Variants in CNBD1 observed in about 807,000 individuals in gnomAD.
The protein encoded by CNBD1 is cyclic nucleotide-binding domain-containing protein 1.
CNBD1 carries 71 observed loss-of-function variants against 54.4 expected under a neutral mutation model. That is an observed-to-expected ratio of 1.30 (90% CI 1.08 to 1.59). The LOEUF (loss-of-function observed/expected upper bound fraction) is 1.59. Among genes scored for constraint, CNBD1 ranks in the 40% most tolerant of loss-of-function variants. The pLI, the probability that CNBD1 is intolerant of heterozygous loss-of-function variation, is 0.00. For missense variants in CNBD1, 659 were observed against 518.0 expected (o/e 1.27, Z -2.64); for synonymous variants, 182 against 170.7 (o/e 1.07, Z -0.51).
intron 8 of CNBD1, among the ~76,000 whole-genome samples, chr8:87,341,414 G>C (rs967787990): frequency 6.6e-6 from 1 of 152,132 alleles, no homozygotes; most frequent in Non-Finnish European, 1.5e-5. Flanking sequence ...GGGGGAAACT[G>C]GTTGCTGGGA....
rs1455565849 is a variant in CNBD1, at chr8:87,092,525, GTA to G, written c.432-113466_432-113465del. Among the ~76,000 whole-genome samples the G allele has an allele frequency of 5.7e-5, 8 of 140,378 alleles. 1 individual carries two copies. Among genetic ancestry groups the G allele is most frequent in the African/African-American group, 2.2e-4 (8 of 35,752 alleles). The allele number at this position is 140,378 out of a possible 152,430, so 92.1% of individuals were successfully genotyped here. A position where few individuals can be genotyped will look rare whatever the true frequency, so the allele number is the denominator to read the frequency against. On this transcript the variant is annotated intron_variant, in intron 4 of 10. Coordinates refer to ENST00000518476, the MANE Select transcript of CNBD1 (RefSeq NM_173538.3). Reference sequence around the variant, plus strand: ...TATATGTGTGTGTGTGTATGTGTGTGTATGTATGTATGTGTGTGTATATATAT... The same window carrying G: ...TATATGTGTGTGTGTGTATGTGTGTGTGTATGTATGTGTGTGTATATATAT...
chr8:87,303,790 GA>G (rs561967457), intron 8 of CNBD1, among the ~76,000 whole-genome samples: 2 of 146,890 alleles, frequency 1.4e-5, no homozygotes, highest in Non-Finnish European at 3.0e-5. Context: ...AAATTTACAA[GA>G]AAAAAAATAA....
At chr8:87,071,619 G>A (rs1436418898) in intron 4 of CNBD1, among the ~76,000 whole-genome samples, 5 of 151,964 alleles carry the variant, frequency 3.3e-5, no homozygotes. Context: ...GTAGGGTGGT[G>A]GTAGTGGAAT....
intron 10 of CNBD1, among the ~76,000 whole-genome samples, chr8:87,370,685 C>T (rs1020624089): frequency 3.3e-5 from 5 of 150,956 alleles, no homozygotes; most frequent in Non-Finnish European, 3.0e-5. Context: ...GTTGCCTGTT[C>T]ACTCTGATGG....
chr8:86,867,601 T>C (rs1283661025), intron 1 of CNBD1, among the ~76,000 whole-genome samples: 2 of 152,206 alleles, frequency 1.3e-5, no homozygotes, highest in Non-Finnish European at 2.9e-5. Flanking sequence ...ATTTGTATTA[T>C]AGTGAAAATA....
intron 8 of CNBD1, among the ~76,000 whole-genome samples, chr8:87,345,163 T>G (rs1264798255): frequency 2.0e-5 from 3 of 152,178 alleles, no homozygotes; most frequent in Non-Finnish European, 2.9e-5. Context: ...CTGAACATAC[T>G]TTCCCTAGCA....
chr8:87,032,367 A>G (rs530315156), intron 4 of CNBD1, among the ~76,000 whole-genome samples: 3 of 152,300 alleles, frequency 2.0e-5, no homozygotes, highest in African/African-American at 7.2e-5. Context: ...ACATATTTTT[A>G]TGTTACATGT....
At chr8:87,303,790 G>GAA (rs561967457) in intron 8 of CNBD1, among the ~76,000 whole-genome samples, 4 of 146,892 alleles carry the variant, frequency 2.7e-5, no homozygotes, top group East Asian at 2.0e-4. Context: ...AAATTTACAA[G>GAA]AAAAAAAATA....
chr8:87,092,429 G>A (rs1563465484), intron 4 of CNBD1, among the ~76,000 whole-genome samples: 1 of 137,062 alleles, frequency 7.3e-6, no homozygotes, highest in African/African-American at 3.3e-5. Flanking sequence ...ATGTATGTAT[G>A]TATGTGTGTG....
intron 8 of CNBD1, among the ~76,000 whole-genome samples, chr8:87,304,801 C>T (rs768995414): frequency 6.6e-6 from 1 of 152,036 alleles, no homozygotes; most frequent in South Asian, 2.1e-4. Flanking sequence ...CCACAGCCAA[C>T]ACAATACTGA....
At chr8:86,893,055 T>C (rs900905436) in intron 2 of CNBD1, among the ~76,000 whole-genome samples, 2 of 152,196 alleles carry the variant, frequency 1.3e-5, no homozygotes, top group Non-Finnish European at 2.9e-5. Flanking sequence ...TTGTCTGGAA[T>C]GAAGCCATTT....
At chr8:87,147,780 G>A (rs969394781) in intron 4 of CNBD1, among the ~76,000 whole-genome samples, 1 of 152,152 alleles carries the variant, frequency 6.6e-6, no homozygotes, top group Non-Finnish European at 1.5e-5. Flanking sequence ...CCCAAAAAAA[G>A]GAAACTGTCA....
chr8:87,268,443 T>G (rs1230866766), intron 6 of CNBD1, among the ~76,000 whole-genome samples: 4 of 152,054 alleles, frequency 2.6e-5, no homozygotes, highest in Non-Finnish European at 5.9e-5. Context: ...GGTAGAATAA[T>G]TTATTTTCCT....
intron 3 of CNBD1, among the ~76,000 whole-genome samples, chr8:86,928,846 T>C (rs1404486107): frequency 1.3e-5 from 2 of 152,180 alleles, no homozygotes; most frequent in Non-Finnish European, 2.9e-5. Context: ...ATTTGATGAG[T>C]GTTCTCAATA....
At chr8:87,314,137 A>T (rs1399991071) in intron 8 of CNBD1, among the ~76,000 whole-genome samples, 3 of 151,854 alleles carry the variant, frequency 2.0e-5, no homozygotes, top group African/African-American at 7.2e-5. Flanking sequence ...ATAATATGGG[A>T]GCTAAAACTG....
intron 10 of CNBD1, among the ~76,000 whole-genome samples, chr8:87,380,127 G>T (rs1451587606): frequency 1.3e-5 from 2 of 151,832 alleles, no homozygotes; most frequent in Non-Finnish European, 1.5e-5. Context: ...ACAAACAAGA[G>T]TATTTATATA....
chr8:87,078,742 G>C (rs1319331799), intron 4 of CNBD1, among the ~76,000 whole-genome samples: 1 of 152,110 alleles, frequency 6.6e-6, no homozygotes, highest in Non-Finnish European at 1.5e-5. Flanking sequence ...AAAAAGAGCT[G>C]TAACTTTTCA....
chr8:87,358,320 A>C (rs1056209122), intron 10 of CNBD1, among the ~76,000 whole-genome samples: 1 of 152,186 alleles, frequency 6.6e-6, no homozygotes, highest in African/African-American at 2.4e-5. Flanking sequence ...CTGAAATGAC[A>C]TTTGTTAATT....
At chr8:87,025,571 T>A (rs73273659) in intron 4 of CNBD1, among the ~76,000 whole-genome samples, 4,570 of 148,510 alleles carry the variant, frequency 0.031, 233 homozygotes, top group African/African-American at 0.11. Flanking sequence ...ACCCACCAGG[T>A]GGAACAAACA....
Sources: allele counts gnomAD v4.1 joint callset (sites outside exome capture counted in the v4.1 genomes callset), GRCh38; gene constraint gnomAD v4.1.1; transcripts MANE v1.5; gene names NCBI Gene and HGNC (gene_info 2026-07-23, HGNC 2026-07-21).